The following CDH18 variants were observed in gnomAD, a reference collection of about 807,000 sequenced individuals.
The protein encoded by CDH18 is cadherin 18.
A neutral mutation model predicts 67.9 loss-of-function variants in CDH18; 31 were observed. That is an observed-to-expected ratio of 0.46 (90% CI 0.34 to 0.62). CDH18 has a LOEUF of 0.62. CDH18 is among the 20% of genes least tolerant of loss of function. The pLI, the probability that CDH18 is intolerant of heterozygous loss-of-function variation, is 0.01. For synonymous variants in CDH18, 362 were observed against 347.2 expected (o/e 1.04, Z -0.48); for missense variants, 890 against 975.5 (o/e 0.91, Z 1.17).
chr5:20,226,300 G>A (rs1228964448), intron 2 of CDH18, among the ~76,000 whole-genome samples: 3 of 152,002 alleles, frequency 2.0e-5, no homozygotes, highest in Non-Finnish European at 4.4e-5. Context: ...TTCGGTATTA[G>A]CTGTCACTGT....
At chr5:19,845,368 G>A (rs1007896187) in intron 2 of CDH18, among the ~76,000 whole-genome samples, 1 of 151,970 alleles carries the variant, frequency 6.6e-6, no homozygotes, top group Non-Finnish European at 1.5e-5. Flanking sequence ...CATTGTATTT[G>A]GAAAAGACAC....
intron 1 of CDH18, among the ~76,000 whole-genome samples, chr5:20,543,948 A>G (rs1757194650): frequency 6.6e-6 from 1 of 152,056 alleles, no homozygotes; most frequent in Non-Finnish European, 1.5e-5. Context: ...TTATTTCACT[A>G]TTTTCTGTAA....
At chr5:19,873,482 C>G (rs941195812) in intron 2 of CDH18, among the ~76,000 whole-genome samples, 15 of 151,792 alleles carry the variant, frequency 9.9e-5, no homozygotes, top group African/African-American at 3.6e-4. Flanking sequence ...TTAGGAAAGG[C>G]AAGAAGTTGA....
chr5:19,746,907 G>T, intron 4 of CDH18, 35 bp downstream of exon 4: 1 of 1,571,032 alleles, frequency 6.4e-7, no homozygotes, highest in Non-Finnish European at 8.7e-7. Context: ...TTCTTAATAT[G>T]TTAATTGCAT....
chr5:19,582,265 T>C (rs62349553), intron 7 of CDH18, among the ~76,000 whole-genome samples: 9,840 of 152,006 alleles, frequency 0.065, 350 homozygotes, highest in Non-Finnish European at 0.074. Context: ...AAATACCCAA[T>C]ACATACACAA....
At chr5:20,198,445 C>T (rs1199999300) in intron 2 of CDH18, among the ~76,000 whole-genome samples, 1 of 152,152 alleles carries the variant, frequency 6.6e-6, no homozygotes, top group Non-Finnish European at 1.5e-5. Context: ...CAGCATCCTG[C>T]CCCTGCCCTG....
intron 1 of CDH18, among the ~76,000 whole-genome samples, chr5:20,407,947 TCC>T (rs776106690): frequency 3.3e-5 from 5 of 151,772 alleles, no homozygotes; most frequent in Non-Finnish European, 5.9e-5. Context: ...ACCAAGGAAA[TCC>T]ACACTGTGGC....
intron 2 of CDH18, among the ~76,000 whole-genome samples, chr5:20,030,738 A>G (rs865953355): frequency 3.9e-5 from 6 of 152,204 alleles, no homozygotes; most frequent in Non-Finnish European, 8.8e-5. Flanking sequence ...AGGTTGTATA[A>G]TATTAGGAAT....
chr5:19,535,052 T>C (rs1749201096), intron 9 of CDH18, among the ~76,000 whole-genome samples: 1 of 152,130 alleles, frequency 6.6e-6, no homozygotes, highest in Admixed American at 6.6e-5. Flanking sequence ...ACAGCCCTAA[T>C]CAAAATCTGG....
At chr5:19,641,252 C>T (rs1191475508) in intron 5 of CDH18, among the ~76,000 whole-genome samples, 3 of 151,486 alleles carry the variant, frequency 2.0e-5, no homozygotes, top group African/African-American at 4.8e-5. Context: ...TTATATTCCA[C>T]CAAACATTTA....
chr5:19,540,306 G>A (rs1400810738), intron 9 of CDH18, among the ~76,000 whole-genome samples: 1 of 152,130 alleles, frequency 6.6e-6, no homozygotes, highest in Non-Finnish European at 1.5e-5. Flanking sequence ...TGGCTTTGCA[G>A]GGTACAAGAC....
At chr5:19,618,434 G>A (rs1580524687) in intron 5 of CDH18, among the ~76,000 whole-genome samples, 1 of 152,196 alleles carries the variant, frequency 6.6e-6, no homozygotes, top group Admixed American at 6.5e-5. Flanking sequence ...TTGAACACCT[G>A]GCCTCAAATG....
At chr5:20,405,432 T>G (rs1470894146) in intron 1 of CDH18, among the ~76,000 whole-genome samples, 2 of 152,198 alleles carry the variant, frequency 1.3e-5, no homozygotes, top group African/African-American at 4.8e-5. Context: ...ATACAAAAAT[T>G]AATTCAAGAT....
intron 1 of CDH18, among the ~76,000 whole-genome samples, chr5:20,273,551 G>A (rs1745589646): frequency 1.3e-5 from 2 of 151,958 alleles, no homozygotes; most frequent in African/African-American, 4.8e-5. Context: ...AACTTCTGTT[G>A]CCCAGTGCTT....
chr5:20,216,819 T>A (rs567340650), intron 2 of CDH18, among the ~76,000 whole-genome samples: 58 of 151,970 alleles, frequency 3.8e-4, no homozygotes, highest in Non-Finnish European at 7.5e-4. Flanking sequence ...TATCTCAAGA[T>A]ATTTAATAAT....
chr5:19,901,815 T>A (rs965668785), intron 2 of CDH18, among the ~76,000 whole-genome samples: 2 of 151,926 alleles, frequency 1.3e-5, no homozygotes, highest in African/African-American at 4.8e-5. Context: ...AATTATTGAA[T>A]ACTTTTTTCA....
At chr5:19,557,113 C>G (rs2201286) in intron 8 of CDH18, among the ~76,000 whole-genome samples, 15,069 of 152,052 alleles carry the variant, frequency 0.099, 1,042 homozygotes, top group African/African-American at 0.19. Flanking sequence ...ACCAAGCCAG[C>G]ACTACAAGAA....
Position 19,560,975 on chromosome 5 carries a change from C to T in CDH18, c.1253+10604G>A, listed in dbSNP as rs572576983. Among the ~76,000 whole-genome samples, 9 of 152,168 alleles carry T rather than the reference C, an allele frequency of 5.9e-5. No homozygotes were observed. The South Asian group carries it at 1.9e-3, about 32-fold the overall frequency. ...ACAATGTGATACCACCTCACTTCTA[C>T]AAGAATGGCCATAATCAAAAAATCA... On this transcript the variant is annotated intron_variant, in intron 8 of 12. Transcript: ENST00000382275.
chr5:20,265,398 T>C (rs181328774), intron 1 of CDH18, among the ~76,000 whole-genome samples: 73 of 152,216 alleles, frequency 4.8e-4, no homozygotes, highest in African/African-American at 1.7e-3. Context: ...GCAAAACTCC[T>C]TTGGAATAAA....
Sources: allele counts gnomAD v4.1 joint callset (sites outside exome capture counted in the v4.1 genomes callset), GRCh38; gene constraint gnomAD v4.1.1; transcripts MANE v1.5; gene names NCBI Gene and HGNC (gene_info 2026-07-23, HGNC 2026-07-21).